The following THSD7A variants were observed in gnomAD, a reference collection of about 807,000 sequenced individuals.
THSD7A encodes thrombospondin type-1 domain-containing protein 7A.
A neutral mutation model predicts 231.3 loss-of-function variants in THSD7A; 96 were observed. That is an observed-to-expected ratio of 0.41 (90% CI 0.35 to 0.49). The LOEUF (loss-of-function observed/expected upper bound fraction) is 0.49. THSD7A is among the 20% of genes least tolerant of loss of function. THSD7A has a pLI of 0.05. For synonymous variants in THSD7A, 940 were observed against 743.3 expected (o/e 1.26, Z -4.30); for missense variants, 2,290 against 2,070.2 (o/e 1.11, Z -2.06).
chr7:11,740,363 G>C (rs1782070209), intron 1 of THSD7A, among the ~76,000 whole-genome samples: 1 of 151,916 alleles, frequency 6.6e-6, no homozygotes, highest in South Asian at 2.1e-4. Context: ...TATCTACATT[G>C]CACAGTGATC....
At chr7:11,552,553 A>G (rs976389805) in intron 4 of THSD7A, among the ~76,000 whole-genome samples, 3 of 152,076 alleles carry the variant, frequency 2.0e-5, no homozygotes, top group African/African-American at 7.2e-5. Context: ...TTAAGAAAAA[A>G]TTACTTAGGC....
chr7:11,593,236 C>T lies in THSD7A; in HGVS notation c.1271+18G>A, dbSNP rs1376064765. ...AATGTAGTTTCGGCAGACGCTATAC[C>T]CTTCTTTATTTACTCACGTGGCACA... is the stretch of plus-strand genomic sequence containing the variant. On this transcript the variant is annotated intron_variant, in intron 3 of 27. Coordinates refer to ENST00000423059, the MANE Select transcript of THSD7A (RefSeq NM_015204.3). 1.9e-6 allele frequency: 3 copies of T among 1,612,824 alleles called. No homozygotes were observed. Among genetic ancestry groups the T allele is most frequent in the South Asian group, 1.1e-5 (1 of 91,014 alleles).
chr7:11,509,824 A>AAAAAAAAAAATAAAT (rs1554326854), intron 6 of THSD7A, among the ~76,000 whole-genome samples: 3 of 144,260 alleles, frequency 2.1e-5, no homozygotes, highest in African/African-American at 7.7e-5. Context: ...TCCGTCTCAA[A>AAAAAAAAAAATAAAT]AAAAAAAAAA....
chr7:11,493,572 G>T (rs1029123911), intron 6 of THSD7A, among the ~76,000 whole-genome samples: 1 of 152,208 alleles, frequency 6.6e-6, no homozygotes, highest in Admixed American at 6.6e-5. Flanking sequence ...AATCCAATAT[G>T]TAAGAAGAAA....
intron 27 of THSD7A, 81 bp downstream of exon 27, chr7:11,376,489 G>T: frequency 9.4e-7 from 1 of 1,060,728 alleles, no homozygotes; most frequent in South Asian, 1.5e-5. Flanking sequence ...TAAATGTAGA[G>T]TACTTATTTG....
At chr7:11,677,138 C>T (rs1365801175) in intron 1 of THSD7A, among the ~76,000 whole-genome samples, 3 of 152,086 alleles carry the variant, frequency 2.0e-5, no homozygotes, top group Non-Finnish European at 2.9e-5. Context: ...AAAGAATTTT[C>T]AACTCAGAAT....
At chr7:11,602,646 T>C (rs528834954) in intron 2 of THSD7A, among the ~76,000 whole-genome samples, 2 of 151,976 alleles carry the variant, frequency 1.3e-5, no homozygotes, top group East Asian at 3.9e-4. Flanking sequence ...CAGTTTTGGG[T>C]GAGCAGTGAA....
chr7:11,604,751 A>G (rs1466449714), intron 2 of THSD7A, among the ~76,000 whole-genome samples: 4 of 152,156 alleles, frequency 2.6e-5, no homozygotes, highest in Non-Finnish European at 5.9e-5. Flanking sequence ...CTGGCAGTTT[A>G]TAAATGAGTT....
chr7:11,724,412 T>A (rs145094464), intron 1 of THSD7A, among the ~76,000 whole-genome samples: 1 of 152,062 alleles, frequency 6.6e-6, no homozygotes, highest in African/African-American at 2.4e-5. Context: ...TTGTTCTGAC[T>A]CTGCAGTATT....
At chr7:11,563,764 T>C (rs777941732) in intron 4 of THSD7A, among the ~76,000 whole-genome samples, 1 of 152,186 alleles carries the variant, frequency 6.6e-6, no homozygotes, top group Non-Finnish European at 1.5e-5. Flanking sequence ...TTCTATATCA[T>C]AATCAATATC....
chr7:11,534,620 G>A (rs553886721), intron 6 of THSD7A, among the ~76,000 whole-genome samples: 12 of 152,200 alleles, frequency 7.9e-5, no homozygotes, highest in African/African-American at 2.9e-4. Flanking sequence ...GTTTTGAGGT[G>A]GTTTGTTACC....
In THSD7A at chr7:11,378,875, C is replaced by A. The variant is rs1201015493; in HGVS notation, c.4801+195G>T. On this transcript the variant is annotated intron_variant, in intron 26 of 27. Coordinates refer to ENST00000423059, the MANE Select transcript of THSD7A (RefSeq NM_015204.3). ...TTCTCAGAAGAATGTAATTTCATTT[C>A]TCTGAACTTCAAACATGAGTTATTT... is the stretch of plus-strand genomic sequence containing the variant. The A allele has an allele frequency of 7.4e-5, 43 of 581,804 alleles. No individual in the cohort carries two copies. The East Asian group carries it at 1.2e-3, about 16-fold the overall frequency. 36.0% of individuals were successfully genotyped at this position (581,804 alleles called of 1,614,324 possible).
At position 11,542,958 on chromosome 7, in the gene THSD7A, C is replaced by G. The variant is rs1050686542; in HGVS notation, c.1609+4G>C. The G allele has an allele frequency of 5.6e-6, 9 of 1,612,192 alleles. No individual in the cohort carries two copies. Among genetic ancestry groups the G allele is most frequent in the Non-Finnish European group, 7.6e-6 (9 of 1,179,248 alleles). The stretch of plus-strand genomic sequence containing the variant: ...AAAAGGCATGTCATGGTCACGTTAC[C>G]TACCTTTTTTCCCTTGCTGATCATT... On this transcript the variant is annotated splice_donor_region_variant and intron_variant, in intron 5 of 27. Transcript: ENST00000423059.
intron 1 of THSD7A, chr7:11,820,365 C>T (rs1784836790): frequency 8.3e-7 from 1 of 1,199,810 alleles, no homozygotes; most frequent in Non-Finnish European, 1.1e-6. Flanking sequence ...TGTTCTCTGT[C>T]CCACTCTTGT....
intron 8 of THSD7A, among the ~76,000 whole-genome samples, chr7:11,473,967 G>A (rs964399977): frequency 2.6e-5 from 4 of 152,000 alleles, no homozygotes; most frequent in African/African-American, 9.7e-5. Context: ...CGTAGCCTAC[G>A]GGTATATAGG....
chr7:11,547,901 A>C (rs1056591834), intron 4 of THSD7A, among the ~76,000 whole-genome samples: 8 of 152,156 alleles, frequency 5.3e-5, no homozygotes, highest in Admixed American at 1.3e-4. Context: ...GCTCACATCA[A>C]AAAATTAGAA....
At chr7:11,424,249 A>G (rs1239832505) in intron 16 of THSD7A, among the ~76,000 whole-genome samples, 2 of 151,892 alleles carry the variant, frequency 1.3e-5, no homozygotes, top group East Asian at 3.8e-4. Flanking sequence ...CAGTGTAGCT[A>G]CAGAAGAACA....
chr7:11,821,406 T>C (rs1784869412), intron 1 of THSD7A: 3 of 343,316 alleles, frequency 8.7e-6, no homozygotes, highest in Non-Finnish European at 1.6e-5. Context: ...AGCCCTTTTT[T>C]TTTCTTTTAT....
rs143373557 is a variant in THSD7A, at chr7:11,416,193, G to C, written c.3537+1257C>G. Among the ~76,000 whole-genome samples the C allele has an allele frequency of 3.5e-3, 535 of 152,104 alleles. 1 individual carries two copies. Among genetic ancestry groups the C allele is most frequent in the African/African-American group, 0.012 (514 of 41,478 alleles). ...CACCAACTCTCTTTTATAAATAATAGAGCCTCAATAATTCTTCTAAGATGA... is the reference window on the plus strand; with the variant it reads ...CACCAACTCTCTTTTATAAATAATACAGCCTCAATAATTCTTCTAAGATGA... On this transcript the variant is annotated intron_variant, in intron 17 of 27. Coordinates refer to ENST00000423059, the MANE Select transcript of THSD7A (RefSeq NM_015204.3).
Sources: allele counts gnomAD v4.1 joint callset (sites outside exome capture counted in the v4.1 genomes callset), GRCh38; gene constraint gnomAD v4.1.1; transcripts MANE v1.5; gene names NCBI Gene and HGNC (gene_info 2026-07-23, HGNC 2026-07-21).